TECPR1: variants seen among roughly 807,000 people sequenced by gnomAD.
TECPR1 encodes the protein tectonin beta-propeller repeat-containing protein 1.
Under a neutral mutation model 162.4 loss-of-function variants are expected in TECPR1, and 122 were observed. That is an observed-to-expected ratio of 0.75 (90% CI 0.65 to 0.87). The LOEUF (loss-of-function observed/expected upper bound fraction) is 0.87. Ranked by LOEUF, TECPR1 falls within the 40% of genes least tolerant of loss-of-function variation. The pLI is 0.00. For synonymous variants in TECPR1, 642 were observed against 670.6 expected, an observed-to-expected ratio of 0.96 and a Z score of 0.66; for missense variants, 1,432 against 1,618.2, an observed-to-expected ratio of 0.88 and a Z score of 1.97.
chr7:98,249,626 C>G, intron 2 of TECPR1, among the ~76,000 whole-genome samples: 1 of 152,152 alleles, frequency 6.6e-6, no homozygotes, highest in East Asian at 1.9e-4. Flanking sequence ...GCTAACTAAC[C>G]TCTCTGTGCC....
intron 10 of TECPR1, among the ~76,000 whole-genome samples, chr7:98,236,425 C>T (rs1422760736): frequency 6.6e-6 from 1 of 152,038 alleles, no homozygotes; most frequent in Middle Eastern, 3.2e-3. Context: ...ACTGTTTCTG[C>T]CCCAGATCTT....
At chr7:98,247,687 T>C (rs1798948067) in intron 2 of TECPR1, among the ~76,000 whole-genome samples, 1 of 152,090 alleles carries the variant, frequency 6.6e-6, no homozygotes, top group African/African-American at 2.4e-5. Context: ...CCGGCTCTCT[T>C]CTTCTGCCAT....
chr7:98,245,737 G>C (rs937366191), intron 3 of TECPR1, among the ~76,000 whole-genome samples, 185 bp downstream of exon 3: 1 of 152,166 alleles, frequency 6.6e-6, no homozygotes, highest in South Asian at 2.1e-4. Flanking sequence ...GCCTTCCAAA[G>C]TGCTGGGATT....
At chr7:98,249,359 G>A (rs12704977) in intron 2 of TECPR1, among the ~76,000 whole-genome samples, 55,869 of 151,946 alleles carry the variant, frequency 0.37, 12,050 homozygotes, top group Middle Eastern at 0.56. Flanking sequence ...AGGAAGCCCG[G>A]GGAGTAAGAG....
intron 2 of TECPR1, among the ~76,000 whole-genome samples, chr7:98,248,872 C>A (rs1315268895): frequency 1.3e-5 from 2 of 150,712 alleles, no homozygotes; most frequent in Non-Finnish European, 3.0e-5. Context: ...AAAAACTAGG[C>A]TCTTTGGGGA....
At chr7:98,236,638 G>T in intron 10 of TECPR1, 138 bp downstream of exon 10, 3 of 1,173,198 alleles carry the variant, frequency 2.6e-6, no homozygotes, top group Non-Finnish European at 2.4e-6. Context: ...GCTTTTGTGA[G>T]TGGAGACCCA....
chr7:98,236,894 C>G lies in TECPR1; in HGVS notation c.1063G>C (p.Ala355Pro). The change falls in exon 10 of 26, where the codon GCC (alanine) becomes CCC (proline). Residue 355 changes from alanine to proline, a missense_variant. Ala to Pro is a conservative substitution (Grantham distance 27). Transcript: ENST00000447648. ...QVWGIGCEDR[A>P]VYFRQGVTPS... ...GTGACACCCTGCCGGAAGTACACGG[C>G]TCGGTCCTCACAGCCAATGCCCCAC... is the stretch of plus-strand genomic sequence containing the variant. 1 of 1,573,738 alleles carries G rather than the reference C, an allele frequency of 6.4e-7. No individual in the cohort carries two copies. The highest frequency in any genetic ancestry group is 8.6e-7 in the Non-Finnish European group (1 of 1,160,816).
intron 10 of TECPR1, among the ~76,000 whole-genome samples, chr7:98,235,248 A>G (rs1798562461): frequency 6.6e-6 from 1 of 152,194 alleles, no homozygotes; most frequent in Non-Finnish European, 1.5e-5. Flanking sequence ...AGCTGGGGCC[A>G]GGCGCAGTGG....
intron 17 of TECPR1, among the ~76,000 whole-genome samples, chr7:98,226,041 C>T (rs1798272774): frequency 6.6e-6 from 1 of 152,172 alleles, no homozygotes; most frequent in Non-Finnish European, 1.5e-5. Flanking sequence ...GGCTGAGATG[C>T]CTGGAGAACG....
chr7:98,222,070 G>A (rs1798156580), intron 22 of TECPR1, among the ~76,000 whole-genome samples: 1 of 152,224 alleles, frequency 6.6e-6, no homozygotes, highest in African/African-American at 2.4e-5. Flanking sequence ...CAGCGTCCCC[G>A]TGTTGGACAC....
intron 23 of TECPR1, among the ~76,000 whole-genome samples, chr7:98,220,547 C>T (rs1005949226): frequency 1.4e-5 from 2 of 145,102 alleles, no homozygotes; most frequent in Non-Finnish European, 3.0e-5. Flanking sequence ...ATTATAGGTG[C>T]GCACTACCAC....
Position 98,241,323 on chromosome 7 carries a change from G to A in TECPR1, c.658-79C>T. ...AGCACGGGGGTCTCGGTGTGGTAGG[G>A]GGTAGGACCCATGTCCCCTGACCGT... On this transcript the variant is annotated intron_variant, in intron 6 of 25. Coordinates refer to ENST00000447648, the MANE Select transcript of TECPR1 (RefSeq NM_015395.3). The surrounding 1 kb of genome is among the most constrained non-coding windows in gnomAD (Gnocchi z 5.0). The A allele has an allele frequency of 1.3e-6, 2 of 1,554,280 alleles. No homozygotes were observed. Among genetic ancestry groups the A allele is most frequent in the South Asian group, 1.2e-5 (1 of 85,790 alleles).
At chr7:98,242,481 C>T (rs987727335) in intron 6 of TECPR1, among the ~76,000 whole-genome samples, 5 of 151,062 alleles carry the variant, frequency 3.3e-5, no homozygotes, top group Admixed American at 6.6e-5. Context: ...CATCCATCCA[C>T]ACATATAACC....
chr7:98,231,187 C>A (rs377445882), intron 14 of TECPR1, 37 bp downstream of exon 14: 12 of 1,608,884 alleles, frequency 7.5e-6, no homozygotes, highest in African/African-American at 4.0e-5. Flanking sequence ...CCATGGCTAT[C>A]CCTCCCCCCG....
chr7:98,223,482 C>G (rs1259932669), intron 20 of TECPR1, among the ~76,000 whole-genome samples, 180 bp downstream of exon 20: 2 of 152,114 alleles, frequency 1.3e-5, no homozygotes, highest in Non-Finnish European at 2.9e-5. Context: ...GCGGGCATTT[C>G]CTGGGCTGAC....
chr7:98,238,652 T>G (rs368600416), intron 8 of TECPR1, 42 bp from the exon 9 acceptor site: 2 of 1,492,556 alleles, frequency 1.3e-6, no homozygotes, highest in Non-Finnish European at 1.8e-6. Flanking sequence ...GGAGGGCCAC[T>G]GAAACAGACG....
rs372308170 is a variant in TECPR1 at position 98,219,628 on chromosome 7, G to A, written c.3158-1586C>T. ...CTCAAAAGAAGATATGCGGCTGGGC[G>A]CGGTGGCTCATGCCTTTAATCCCAG... On this transcript the variant is annotated intron_variant, in intron 23 of 25. Transcript: ENST00000447648. 4.6e-5 allele frequency among the ~76,000 whole-genome samples: 7 copies of A among 152,358 alleles called. No individual in the cohort carries two copies. In the East Asian group the frequency reaches 9.6e-4, roughly 21 times the overall value.
intron 4 of TECPR1, 76 bp from the exon 5 acceptor site, chr7:98,244,769 G>T: frequency 1.9e-6 from 3 of 1,581,624 alleles, no homozygotes; most frequent in South Asian, 2.3e-5. Context: ...GGGAGGGAGG[G>T]TGTGGCCTGA....
rs779706325 is a variant in TECPR1 at position 98,223,733 on chromosome 7, A to C, written c.2691-15T>G. 1.9e-6 allele frequency: 3 copies of C among 1,613,694 alleles called. No individual in the cohort carries two copies. The highest frequency in any genetic ancestry group is 2.5e-6 in the Non-Finnish European group (3 of 1,179,748). On this transcript the variant is annotated splice_polypyrimidine_tract_variant and intron_variant, in intron 19 of 25. Transcript: ENST00000447648. Reference sequence around the variant, plus strand: ...CATGGTATGAGCTGCAAGGAGGAAGAAGATGAAATCAGGGCCACTTCGTGG... The same window carrying C: ...CATGGTATGAGCTGCAAGGAGGAAGCAGATGAAATCAGGGCCACTTCGTGG...
Sources: allele counts gnomAD v4.1 joint callset (sites outside exome capture counted in the v4.1 genomes callset), GRCh38; gene constraint gnomAD v4.1.1; non-coding constraint Gnocchi (gnomAD v3.1); transcripts MANE v1.5; gene names NCBI Gene and HGNC (gene_info 2026-07-23, HGNC 2026-07-21).